SCG2: variants seen among roughly 807,000 people sequenced by gnomAD.
The protein encoded by SCG2 is secretogranin-2.
A neutral mutation model predicts 49.5 loss-of-function variants in SCG2; 23 were observed. That is an observed-to-expected ratio of 0.46 (90% CI 0.33 to 0.66). The LOEUF (loss-of-function observed/expected upper bound fraction) is 0.66, where lower values mean the gene tolerates loss of function less well. Among genes scored for constraint, SCG2 ranks in the 30% least tolerant of loss-of-function variants. The pLI is 0.01. For missense variants in SCG2, 730 were observed against 728.2 expected (o/e 1.00, Z -0.03); for synonymous variants, 288 against 260.4 (o/e 1.11, Z -1.02).
chr2:223,597,290 C>A lies in SCG2; in HGVS notation c.*139G>T. ...CTCAGAGGAAATGAAGCAGACTCCC[C>A]AGTGACCTGGTTTCATCTGCCTGTA... is the stretch of plus-strand genomic sequence containing the variant. On this transcript the variant is annotated 3_prime_UTR_variant, in exon 2 of 2. Coordinates refer to ENST00000305409, the MANE Select transcript of SCG2 (RefSeq NM_003469.5). 1 of 1,074,528 alleles carries A rather than the reference C, an allele frequency of 9.3e-7. No homozygotes were observed. Among genetic ancestry groups the A allele is most frequent in the East Asian group, 2.5e-5 (1 of 40,176 alleles). 66.6% of individuals were successfully genotyped at this position (1,074,528 alleles called of 1,614,324 possible).
At chr2:223,600,900 A>G (rs770715972) in intron 1 of SCG2, among the ~76,000 whole-genome samples, 1 of 152,204 alleles carries the variant, frequency 6.6e-6, no homozygotes, top group Non-Finnish European at 1.5e-5. Flanking sequence ...ATAAAAATAC[A>G]TTATGCACTC....
chr2:223,598,506 ACTCT>A lies in SCG2; in HGVS notation c.773_776del (p.Glu258ValfsTer7). The stretch of plus-strand genomic sequence containing the variant: ...TGTCTCTCACCTCTTCCTGGGTTTG[ACTCT>A]CTATTTTCTCCTCTACTGGGTTCCA... On this transcript the variant is annotated frameshift_variant, in exon 2 of 2. Transcript: ENST00000305409. LOFTEE classifies it high-confidence loss of function. 6.2e-7 allele frequency: 1 copy of A among 1,612,442 alleles called. No homozygotes were observed. Among genetic ancestry groups the A allele is most frequent in the Non-Finnish European group, 8.5e-7 (1 of 1,179,650 alleles).
intron 1 of SCG2, among the ~76,000 whole-genome samples, chr2:223,600,769 C>T (rs945809896): frequency 2.9e-4 from 44 of 151,998 alleles, no homozygotes; most frequent in Non-Finnish European, 4.3e-4. Flanking sequence ...TCACGTTTAC[C>T]AGAGTACTTA....
chr2:223,598,882 G>A lies in SCG2; in HGVS notation c.401C>T (p.Pro134Leu). 1 of 1,614,108 alleles carries A rather than the reference G, an allele frequency of 6.2e-7. No individual in the cohort carries two copies. The highest frequency in any genetic ancestry group is 8.5e-7 in the Non-Finnish European group (1 of 1,180,016). ...EPQSAPKENK[P>L]YALNSEKNFP... ...GTTCTTTTCTGAATTCAAGGCATAG[G>A]GCTTATTTTCTTTTGGTGCAGACTG... The change falls in exon 2 of 2, where the codon CCC becomes CTC. Residue 134 changes from proline to leucine, a missense_variant. Pro to Leu is a moderately conservative substitution (Grantham distance 98). Transcript: ENST00000305409.
chr2:223,597,697 C>T lies in SCG2; in HGVS notation c.1586G>A (p.Gly529Asp). ...CAGGTCATCTTCAGATGAGCCTTGACCAGGAACTCGCTTCACTTGGTTTGA... is the reference window on the plus strand; with the variant it reads ...CAGGTCATCTTCAGATGAGCCTTGATCAGGAACTCGCTTCACTTGGTTTGA... ...INSNQVKRVP[G>D]QGSSEDDLQE... The change falls in exon 2 of 2, where the codon GGT becomes GAT. Residue 529 changes from glycine (G) to aspartate (D), a missense_variant. Transcript: ENST00000305409. The T allele has an allele frequency of 6.2e-7, 1 of 1,614,098 alleles. No individual in the cohort carries two copies. The highest frequency in any genetic ancestry group is 8.5e-7 in the Non-Finnish European group (1 of 1,180,022).
Position 223,598,891 on chromosome 2 carries a change from T to C in SCG2, c.392A>G (p.Glu131Gly). 3 of 1,614,236 alleles carry C rather than the reference T, an allele frequency of 1.9e-6. No individual in the cohort carries two copies. Among genetic ancestry groups the C allele is most frequent in the Non-Finnish European group, 2.5e-6 (3 of 1,180,034 alleles). ...TGAATTCAAGGCATAGGGCTTATTT[T>C]CTTTTGGTGCAGACTGAGGCTCATT... ...AENEPQSAPK[E>G]NKPYALNSEK... is the part of the protein sequence containing the mutation. The change falls in exon 2 of 2, where the codon GAA becomes GGA. Residue 131 changes from glutamate to glycine, a missense_variant. Physicochemically the swap from Glu to Gly is moderately conservative, Grantham distance 98 (BLOSUM62 -2). Transcript: ENST00000305409.
rs1691335993 is a variant in SCG2, at chr2:223,598,461, T to C, written c.822A>G (p.Lys274=). 1 of 1,614,014 alleles carries C rather than the reference T, an allele frequency of 6.2e-7. No individual in the cohort carries two copies. The highest frequency in any genetic ancestry group is 1.7e-5 in the Admixed American group (1 of 60,006). The change falls in exon 2 of 2, where the codon AAA becomes AAG. Residue 274 remains lysine, a synonymous_variant. Coordinates refer to ENST00000305409, the MANE Select transcript of SCG2 (RefSeq NM_003469.5). ...EVRDSKENIE[K]NEQINDEMKR... is the part of the protein sequence containing the mutation. The stretch of plus-strand genomic sequence containing the variant: ...TCATCTCATCGTTGATTTGTTCATT[T>C]TTTTCTATATTCTCTTTGCTGTCTC...
intron 1 of SCG2, among the ~76,000 whole-genome samples, chr2:223,599,538 A>C (rs1691358037): frequency 6.6e-6 from 1 of 152,256 alleles, no homozygotes; most frequent in Admixed American, 6.5e-5. Flanking sequence ...TCTCTTAGTT[A>C]AAACAACAGC....
In SCG2 at chr2:223,599,396, G is replaced by C. The variant is rs1246766059; in HGVS notation, c.-14-100C>G. 52 of 959,416 alleles carry C rather than the reference G, an allele frequency of 5.4e-5. 1 individual carries two copies. In the Admixed American group the frequency reaches 1.5e-3, roughly 28 times the overall value. 59.4% of individuals were successfully genotyped at this position (959,416 alleles called of 1,614,324 possible). A position where few individuals can be genotyped will look rare whatever the true frequency, so the allele number is the denominator to read the frequency against. On this transcript the variant is annotated intron_variant, in intron 1 of 1. Transcript: ENST00000305409. ...ATTGAGGTGAGGAAAAAACATAGTA[G>C]ATATTATTTCACATTAAGCTTAGGA...
Position 223,597,324 on chromosome 2 carries a change from A to G in SCG2, c.*105T>C. The G allele has an allele frequency of 1.4e-6, 2 of 1,401,788 alleles. No individual in the cohort carries two copies. Among genetic ancestry groups the G allele is most frequent in the Non-Finnish European group, 1.9e-6 (2 of 1,040,578 alleles). 86.8% of individuals were successfully genotyped at this position (1,401,788 alleles called of 1,614,324 possible). ...GGTTTCATCTGCCTGTACATCATTT[A>G]AAGATATTACAGTGTTAACAGGATA... On this transcript the variant is annotated 3_prime_UTR_variant, in exon 2 of 2. Transcript: ENST00000305409.
Position 223,597,263 on chromosome 2 carries a change from A to C in SCG2, c.*166T>G. ...TACACATATCCATACACAAGATAAC[A>C]GCTCAGAGGAAATGAAGCAGACTCC... On this transcript the variant is annotated 3_prime_UTR_variant, in exon 2 of 2. Transcript: ENST00000305409. 1.3e-6 allele frequency: 1 copy of C among 746,002 alleles called. No individual in the cohort carries two copies. The highest frequency in any genetic ancestry group is 2.1e-6 in the Non-Finnish European group (1 of 485,542). The allele number at this position is 746,002 out of a possible 1,614,324, so 46.2% of individuals were successfully genotyped here.
At chr2:223,599,501 C>T (rs924590863) in intron 1 of SCG2, among the ~76,000 whole-genome samples, 2 of 152,152 alleles carry the variant, frequency 1.3e-5, no homozygotes, top group Non-Finnish European at 2.9e-5. Context: ...AAAATTATTA[C>T]TCATTCACCA....
At position 223,598,725 on chromosome 2, in the gene SCG2, C is replaced by G. The variant is rs1691343158; in HGVS notation, c.558G>C (p.Val186=). 3 of 1,613,662 alleles carry G rather than the reference C, an allele frequency of 1.9e-6. No individual in the cohort carries two copies. Among genetic ancestry groups the G allele is most frequent in the African/African-American group, 2.7e-5 (2 of 74,916 alleles). The change falls in exon 2 of 2, where the codon GTG becomes GTC. Residue 186 remains valine (V), a synonymous_variant. Transcript: ENST00000305409. ...DNPFKRTNEI[V]EEQYTPQSLA... is the part of the protein sequence containing the mutation. Reference sequence around the variant, plus strand: ...GGCTTTGAGGAGTATATTGTTCCTCCACTATTTCATTTGTGCGTTTAAAGG... The same window carrying G: ...GGCTTTGAGGAGTATATTGTTCCTCGACTATTTCATTTGTGCGTTTAAAGG...
chr2:223,597,674 G>T lies in SCG2; in HGVS notation c.1609C>A (p.Leu537Met). The change falls in exon 2 of 2, where the codon CTG (leucine) becomes ATG (methionine). Residue 537 changes from leucine (L) to methionine (M), a missense_variant. Leu to Met is a conservative substitution (Grantham distance 15). Coordinates refer to ENST00000305409, the MANE Select transcript of SCG2 (RefSeq NM_003469.5). ...VPGQGSSEDD[L>M]QEEEQIEQAI... Reference sequence around the variant, plus strand: ...TGCTCAATTTGTTCCTCTTCCTGCAGGTCATCTTCAGATGAGCCTTGACCA... The same window carrying T: ...TGCTCAATTTGTTCCTCTTCCTGCATGTCATCTTCAGATGAGCCTTGACCA... 6.2e-7 allele frequency: 1 copy of T among 1,614,160 alleles called. No individual in the cohort carries two copies. Among genetic ancestry groups the T allele is most frequent in the South Asian group, 1.1e-5 (1 of 91,078 alleles).
chr2:223,597,650 G>A lies in SCG2; in HGVS notation c.1633C>T (p.Gln545Ter). ...TGATTCAAATGCTCTTTGATGGCCT[G>A]CTCAATTTGTTCCTCTTCCTGCAGG... ...DDLQEEEQIE[Q>*]AIKEHLNQGS... Residue 545 changes from glutamine to a stop codon, truncating the protein, a stop_gained, in exon 2 of 2, where the codon CAG becomes TAG. Coordinates refer to ENST00000305409, the MANE Select transcript of SCG2 (RefSeq NM_003469.5). LOFTEE classifies it high-confidence loss of function. The A allele has an allele frequency of 6.2e-7, 1 of 1,614,070 alleles. No individual in the cohort carries two copies. Among genetic ancestry groups the A allele is most frequent in the Non-Finnish European group, 8.5e-7 (1 of 1,180,006 alleles).
intron 1 of SCG2, among the ~76,000 whole-genome samples, chr2:223,599,805 T>C (rs1691363505): frequency 6.6e-6 from 1 of 152,220 alleles, no homozygotes; most frequent in Admixed American, 6.5e-5. Context: ...GAAATGTCCA[T>C]CTAATTTTGT....
chr2:223,599,537 T>A (rs1181943292), intron 1 of SCG2, among the ~76,000 whole-genome samples: 1 of 152,214 alleles, frequency 6.6e-6, no homozygotes, highest in African/African-American at 2.4e-5. Flanking sequence ...TTCTCTTAGT[T>A]AAAACAACAG....
rs1691313706 is a variant in SCG2 at position 223,597,478 on chromosome 2, G to A, written c.1805C>T (p.Ala602Val). 1 of 1,613,184 alleles carries A rather than the reference G, an allele frequency of 6.2e-7. No homozygotes were observed. The highest frequency in any genetic ancestry group is 1.3e-5 in the African/African-American group (1 of 75,000). The stretch of plus-strand genomic sequence containing the variant: ...AGCAATATGCTCCCTTCCCTTTTCT[G>A]CCTTTTCTTGGTTGAGGTATTCCAG... Reference protein sequence around the residue: ...KVLEYLNQEKAEKGREHIAKR... With the variant: ...KVLEYLNQEKVEKGREHIAKR... The change falls in exon 2 of 2, where the codon GCA becomes GTA. Residue 602 changes from alanine to valine, a missense_variant. Physicochemically the swap from Ala to Val is moderately conservative, Grantham distance 64. Coordinates refer to ENST00000305409, the MANE Select transcript of SCG2 (RefSeq NM_003469.5).
In SCG2 at chr2:223,597,638, C is replaced by T; in HGVS notation, c.1645G>A (p.Glu549Lys). 1 of 1,614,084 alleles carries T rather than the reference C, an allele frequency of 6.2e-7. No homozygotes were observed. Among genetic ancestry groups the T allele is most frequent in the South Asian group, 1.1e-5 (1 of 91,054 alleles). The change falls in exon 2 of 2, where the codon GAG becomes AAG. Residue 549 changes from glutamate (E) to lysine (K), a missense_variant. Physicochemically the swap from Glu to Lys is moderately conservative, Grantham distance 56 (BLOSUM62 1). Transcript: ENST00000305409. Reference sequence around the variant, plus strand: ...TGAGAGCTGCCTTGATTCAAATGCTCTTTGATGGCCTGCTCAATTTGTTCC... The same window carrying T: ...TGAGAGCTGCCTTGATTCAAATGCTTTTTGATGGCCTGCTCAATTTGTTCC... ...EEEQIEQAIK[E>K]HLNQGSSQET...
Sources: allele counts gnomAD v4.1 joint callset (sites outside exome capture counted in the v4.1 genomes callset), GRCh38; gene constraint gnomAD v4.1.1; transcripts MANE v1.5; gene names NCBI Gene and HGNC (gene_info 2026-07-23, HGNC 2026-07-21).